Variants in ANKH observed in about 807,000 individuals in gnomAD.
The protein encoded by ANKH is ANKH inorganic pyrophosphate transport regulator.
In ANKH, 15 loss-of-function variants were observed where a neutral mutation model predicts 49.0. That is an observed-to-expected ratio of 0.31 (90% CI 0.20 to 0.47). The LOEUF (loss-of-function observed/expected upper bound fraction) is 0.47, where lower values mean the gene tolerates loss of function less well. Among genes scored for constraint, ANKH ranks in the 20% least tolerant of loss-of-function variants. The probability of loss-of-function intolerance (pLI) is 1.00; values close to 1 mark genes in which losing one functional copy is unlikely to be tolerated. For missense variants in ANKH, 429 were observed against 652.0 expected, an observed-to-expected ratio of 0.66 and a Z score of 3.72; for synonymous variants, 273 against 260.0, an observed-to-expected ratio of 1.05 and a Z score of -0.48.
intron 1 of ANKH, among the ~76,000 whole-genome samples, chr5:14,771,913 C>CA (rs1739441828): frequency 3.0e-5 from 1 of 33,346 alleles, no homozygotes; most frequent in African/African-American, 1.5e-4. Context: ...GACTGTGTCT[C>CA]AAAAAAAGAA....
At chr5:14,763,167 T>C (rs1305425462) in intron 2 of ANKH, among the ~76,000 whole-genome samples, 1 of 152,222 alleles carries the variant, frequency 6.6e-6, no homozygotes, top group Admixed American at 6.5e-5. Flanking sequence ...TACACACATT[T>C]TTCCACATCC....
At chr5:14,854,034 T>G (rs528414406) in intron 1 of ANKH, among the ~76,000 whole-genome samples, 1 of 152,352 alleles carries the variant, frequency 6.6e-6, no homozygotes, top group African/African-American at 2.4e-5. Context: ...AAAATCCTAA[T>G]GTATTCCAGT....
rs529325138 is a variant in ANKH at position 14,867,428 on chromosome 5, T to G, written c.96+3924A>C. On this transcript the variant is annotated intron_variant, in intron 1 of 11. Coordinates refer to ENST00000284268, the MANE Select transcript of ANKH (RefSeq NM_054027.6). ...CAATGTACGTGATTAATACTTTTGATTCTCAATCTGTAAAAATTGAGATAA... is the reference window on the plus strand; with the variant it reads ...CAATGTACGTGATTAATACTTTTGAGTCTCAATCTGTAAAAATTGAGATAA... Among the ~76,000 whole-genome samples, 9 of 152,336 alleles carry G rather than the reference T, an allele frequency of 5.9e-5. No individual in the cohort carries two copies. In the South Asian group the frequency reaches 1.9e-3, roughly 32 times the overall value.
In ANKH at chr5:14,707,156, G is replaced by A. The variant is rs1293369529; in HGVS notation, c.*4041C>T. 1 of 152,168 alleles carries A rather than the reference G, an allele frequency of 6.6e-6. No homozygotes were observed. Among genetic ancestry groups the A allele is most frequent in the Non-Finnish European group, 1.5e-5 (1 of 68,030 alleles). 9.4% of individuals were successfully genotyped at this position (152,168 alleles called of 1,614,324 possible). A position where few individuals can be genotyped will look rare whatever the true frequency, so the allele number is the denominator to read the frequency against. On this transcript the variant is annotated 3_prime_UTR_variant, in exon 12 of 12. Transcript: ENST00000284268. Reference sequence around the variant, plus strand: ...GTACTAACCGGCACATGCTGTCCTGGGCACTGTTCTGCTGGGAGTTACTGA... The same window carrying A: ...GTACTAACCGGCACATGCTGTCCTGAGCACTGTTCTGCTGGGAGTTACTGA...
At chr5:14,720,658 C>T (rs894717868) in intron 8 of ANKH, among the ~76,000 whole-genome samples, 4 of 152,172 alleles carry the variant, frequency 2.6e-5, no homozygotes, top group African/African-American at 9.7e-5. Context: ...TGCCTTAGAA[C>T]CTACAGGAAG....
intron 1 of ANKH, among the ~76,000 whole-genome samples, chr5:14,799,840 C>G (rs946458518): frequency 1.3e-5 from 2 of 152,140 alleles, no homozygotes; most frequent in Non-Finnish European, 2.9e-5. Context: ...GTCCACGGAT[C>G]AAGGAGTAAT....
chr5:14,830,052 T>C (rs998203312), intron 1 of ANKH, among the ~76,000 whole-genome samples: 17 of 152,334 alleles, frequency 1.1e-4, no homozygotes, highest in Admixed American at 9.8e-4. Flanking sequence ...CATGAATTGA[T>C]GTGAAGAAAG....
rs1293115203 is a variant in ANKH at position 14,706,817 on chromosome 5, C to T, written c.*4380G>A. 3 of 152,156 alleles carry T rather than the reference C, an allele frequency of 2.0e-5. No individual in the cohort carries two copies. The highest frequency in any genetic ancestry group is 4.8e-5 in the African/African-American group (2 of 41,432). The allele number at this position is 152,156 out of a possible 1,614,324, so 9.4% of individuals were successfully genotyped here. A position where few individuals can be genotyped will look rare whatever the true frequency, so the allele number is the denominator to read the frequency against. ...TAACCACACAGAGGAGTATCCCAGACACGTTGCTCAAAAACATGCTTTCCT... is the reference window on the plus strand; with the variant it reads ...TAACCACACAGAGGAGTATCCCAGATACGTTGCTCAAAAACATGCTTTCCT... On this transcript the variant is annotated 3_prime_UTR_variant, in exon 12 of 12. Transcript: ENST00000284268.
chr5:14,856,562 G>T (rs1374884451), intron 1 of ANKH, among the ~76,000 whole-genome samples: 1 of 151,992 alleles, frequency 6.6e-6, no homozygotes, highest in Non-Finnish European at 1.5e-5. Flanking sequence ...GATACTGGGA[G>T]AGCAGAGGAC....
At chr5:14,793,021 A>AATATATATATATAAATAT (rs1580072177) in intron 1 of ANKH, among the ~76,000 whole-genome samples, 31 of 68,322 alleles carry the variant, frequency 4.5e-4, no homozygotes, top group South Asian at 1.8e-3. Context: ...TATATATATA[A>AATATATATATATAAATAT]ATATATATAT....
intron 1 of ANKH, chr5:14,869,138 T>C (rs1735743958): frequency 1.3e-5 from 2 of 152,272 alleles, no homozygotes; most frequent in Admixed American, 6.5e-5. Flanking sequence ...GCAAACTGGT[T>C]CATTTCTCCT....
chr5:14,764,140 T>G (rs1295723355), intron 2 of ANKH, among the ~76,000 whole-genome samples: 1 of 151,434 alleles, frequency 6.6e-6, no homozygotes, highest in African/African-American at 2.5e-5. Context: ...AAAATATCCC[T>G]TGAGTCTTCC....
In ANKH at chr5:14,814,168, T is replaced by A. The variant is rs141785598; in HGVS notation, c.97-44977A>T. On this transcript the variant is annotated intron_variant, in intron 1 of 11. Coordinates refer to ENST00000284268, the MANE Select transcript of ANKH (RefSeq NM_054027.6). The stretch of plus-strand genomic sequence containing the variant: ...ACAATTGCTATTCTCTGCATGACAT[T>A]TTGACATTTATTTCATTCCCACATA... 9.4e-3 allele frequency among the ~76,000 whole-genome samples: 1,426 copies of A among 152,366 alleles called. 14 individuals are homozygous for A. Among genetic ancestry groups the A allele is most frequent in the Non-Finnish European group, 0.012 (833 of 68,034 alleles).
chr5:14,780,878 T>A (rs752660578), intron 1 of ANKH, among the ~76,000 whole-genome samples: 2 of 152,206 alleles, frequency 1.3e-5, no homozygotes, highest in Admixed American at 6.5e-5. Context: ...TACGATGACA[T>A]CAAGGAAACT....
intron 8 of ANKH, among the ~76,000 whole-genome samples, chr5:14,723,575 G>T (rs190188716): frequency 9.2e-5 from 14 of 152,228 alleles, no homozygotes; most frequent in African/African-American, 3.4e-4. Context: ...GGAGGTCCAG[G>T]CTGCAGTGAG....
At chr5:14,860,157 C>T (rs975692156) in intron 1 of ANKH, among the ~76,000 whole-genome samples, 12 of 152,226 alleles carry the variant, frequency 7.9e-5, no homozygotes, top group African/African-American at 2.9e-4. Flanking sequence ...CAGGTGTCTT[C>T]TCAGGTGATG....
chr5:14,769,992 C>T (rs916612196), intron 1 of ANKH, among the ~76,000 whole-genome samples: 1 of 152,150 alleles, frequency 6.6e-6, no homozygotes, highest in Non-Finnish European at 1.5e-5. Flanking sequence ...TTTCCCACCC[C>T]GAAGACAAAT....
At chr5:14,763,809 C>T (rs1257444798) in intron 2 of ANKH, among the ~76,000 whole-genome samples, 1 of 152,186 alleles carries the variant, frequency 6.6e-6, no homozygotes, top group Non-Finnish European at 1.5e-5. Context: ...GACTGGGAGG[C>T]TGGGCACGGT....
At chr5:14,811,387 C>T (rs1324735405) in intron 1 of ANKH, among the ~76,000 whole-genome samples, 6 of 152,186 alleles carry the variant, frequency 3.9e-5, no homozygotes, top group African/African-American at 9.7e-5. Flanking sequence ...ACACACTTTC[C>T]ACACGAAGCC....
Sources: gnomAD v4.1 joint callset for allele counts (sites outside exome capture counted in the v4.1 genomes callset) on GRCh38, gnomAD v4.1.1 for gene constraint, MANE v1.5 for transcripts, NCBI Gene and HGNC (gene_info 2026-07-23, HGNC 2026-07-21) for gene names.